KDM4B: variants seen among roughly 807,000 people sequenced by gnomAD.
The protein encoded by KDM4B is lysine-specific demethylase 4B.
In KDM4B, 32 loss-of-function variants were observed where a neutral mutation model predicts 125.2. That is an observed-to-expected ratio of 0.26 (90% CI 0.19 to 0.34). The LOEUF (loss-of-function observed/expected upper bound fraction) is 0.34, where lower values mean the gene tolerates loss of function less well. Ranked by LOEUF, KDM4B falls within the 10% of genes least tolerant of loss-of-function variation. The pLI is 1.00. For synonymous variants in KDM4B, 721 were observed against 677.9 expected, an observed-to-expected ratio of 1.06 and a Z score of -0.99; for missense variants, 1,190 against 1,577.7, an observed-to-expected ratio of 0.75 and a Z score of 4.16.
At chr19:5,116,405 G>T (rs947762212) in intron 10 of KDM4B, among the ~76,000 whole-genome samples, 2 of 152,198 alleles carry the variant, frequency 1.3e-5, no homozygotes, top group African/African-American at 4.8e-5. Context: ...GTCAAGAAAT[G>T]TGTGAGGGGA....
chr19:5,090,200 G>T (rs2038645310), intron 9 of KDM4B, among the ~76,000 whole-genome samples: 4 of 152,098 alleles, frequency 2.6e-5, no homozygotes, highest in Non-Finnish European at 1.5e-5. Context: ...GCCAGGGAGA[G>T]GTGAGAGTGC....
intron 5 of KDM4B, 41 bp from the exon 6 acceptor site, chr19:5,047,435 G>C (rs752941833): frequency 3.2e-6 from 5 of 1,561,486 alleles, no homozygotes; most frequent in Middle Eastern, 1.7e-4. Context: ...AGGTTCTGGG[G>C]GTGGCCGGGC....
chr19:5,135,879 G>A (rs1280044659), intron 15 of KDM4B, among the ~76,000 whole-genome samples: 1 of 152,250 alleles, frequency 6.6e-6, no homozygotes, highest in Non-Finnish European at 1.5e-5. Flanking sequence ...TGCAGGCCCA[G>A]GTGCTGGCCT....
chr19:5,051,301 C>T (rs572201651), intron 6 of KDM4B, among the ~76,000 whole-genome samples: 3 of 152,354 alleles, frequency 2.0e-5, no homozygotes, highest in South Asian at 2.1e-4. Flanking sequence ...CCCTGGCCCA[C>T]GCTGCCTGGG....
At chr19:4,973,265 T>C (rs1403415363) in intron 1 of KDM4B, among the ~76,000 whole-genome samples, 1 of 152,332 alleles carries the variant, frequency 6.6e-6, no homozygotes, top group East Asian at 1.9e-4. Context: ...CTCAGCTCAC[T>C]GCAACCTCCG....
At chr19:5,014,272 G>GTGTTTTGTTT (rs566641543) in intron 1 of KDM4B, among the ~76,000 whole-genome samples, 3 of 152,082 alleles carry the variant, frequency 2.0e-5, no homozygotes, top group Non-Finnish European at 4.4e-5. Context: ...ACCCGGCTAA[G>GTGTTTTGTTT]TGTTTTGTTT....
At chr19:4,983,135 C>CTTTTTTTTTTT (rs76958173) in intron 1 of KDM4B, among the ~76,000 whole-genome samples, 1 of 130,658 alleles carries the variant, frequency 7.7e-6, no homozygotes, top group Non-Finnish European at 1.7e-5. Flanking sequence ...TTTTTCTTTT[C>CTTTTTTTTTTT]TTTTTTTTTT....
chr19:5,009,332 A>G (rs2035660602), intron 1 of KDM4B, among the ~76,000 whole-genome samples: 1 of 152,226 alleles, frequency 6.6e-6, no homozygotes, highest in South Asian at 2.1e-4. Context: ...CCTAGGATGC[A>G]GAGGTTGGTG....
chr19:5,025,771 G>A lies in KDM4B; in HGVS notation c.-25-7095G>A, dbSNP rs901517466. 3.9e-5 allele frequency among the ~76,000 whole-genome samples: 6 copies of A among 152,232 alleles called. No homozygotes were observed. In the South Asian group the frequency reaches 8.3e-4, roughly 21 times the overall value. ...GACCGCCCAGAACTTGCACCCCTGC[G>A]TGTTTGACAATCACTTCCAGACGCA... is the stretch of plus-strand genomic sequence containing the variant. On this transcript the variant is annotated intron_variant, in intron 2 of 22. Coordinates refer to ENST00000159111, the MANE Select transcript of KDM4B (RefSeq NM_015015.3).
chr19:5,100,135 C>T (rs1218908925), intron 9 of KDM4B, among the ~76,000 whole-genome samples: 1 of 152,178 alleles, frequency 6.6e-6, no homozygotes, highest in South Asian at 2.1e-4. Context: ...CTTATTGAAC[C>T]CTTTTTGTGT....
At chr19:5,067,976 A>G (rs1051325503) in intron 6 of KDM4B, among the ~76,000 whole-genome samples, 25 of 152,224 alleles carry the variant, frequency 1.6e-4, no homozygotes, top group Non-Finnish European at 1.5e-5. Flanking sequence ...TCAGTGGCCA[A>G]TAAACCTGAC....
chr19:5,105,323 G>A (rs1049574242), intron 9 of KDM4B, among the ~76,000 whole-genome samples: 3 of 152,252 alleles, frequency 2.0e-5, no homozygotes, highest in African/African-American at 4.8e-5. Flanking sequence ...ACACACCTGC[G>A]ATTGCTCCCA....
At chr19:5,084,092 C>T (rs2038391163) in intron 9 of KDM4B, among the ~76,000 whole-genome samples, 1 of 151,802 alleles carries the variant, frequency 6.6e-6, no homozygotes, top group Non-Finnish European at 1.5e-5. Flanking sequence ...ACTAAAAACA[C>T]AAAAATTATC....
chr19:5,151,465 T>C lies in KDM4B; in HGVS notation c.3245T>C (p.Val1082Ala), dbSNP rs758146297. 1 of 1,519,656 alleles carries C rather than the reference T, an allele frequency of 6.6e-7. No individual in the cohort carries two copies. Among genetic ancestry groups the C allele is most frequent in the Non-Finnish European group, 8.8e-7 (1 of 1,134,290 alleles). The allele number at this position is 1,519,656 out of a possible 1,614,324, so 94.1% of individuals were successfully genotyped here. The change falls in exon 23 of 23, where the codon GTG (valine) becomes GCG (alanine). Residue 1082 changes from valine to alanine, a missense_variant. Val to Ala is a moderately conservative substitution (Grantham distance 64). Coordinates refer to ENST00000159111, the MANE Select transcript of KDM4B (RefSeq NM_015015.3). ...SGRSQDYVAF[V>A]ESLLQVQGRP... ...CGGAGCCAGGACTACGTGGCCTTCG[T>C]GGAGAGCCTCCTGCAGGTGCAGGGC...
At chr19:5,024,404 C>T (rs908266582) in intron 2 of KDM4B, among the ~76,000 whole-genome samples, 1 of 152,178 alleles carries the variant, frequency 6.6e-6, no homozygotes, top group African/African-American at 2.4e-5. Flanking sequence ...GGGAGGGTAT[C>T]CTTGGGCCCA....
intron 11 of KDM4B, among the ~76,000 whole-genome samples, chr19:5,129,048 C>T (rs2060959093): frequency 6.6e-6 from 1 of 152,182 alleles, no homozygotes; most frequent in Non-Finnish European, 1.5e-5. Flanking sequence ...GGGGCCAGGG[C>T]AGTGGCGGGG....
chr19:5,015,543 C>T (rs981768642), intron 1 of KDM4B, among the ~76,000 whole-genome samples: 2 of 152,132 alleles, frequency 1.3e-5, no homozygotes, highest in African/African-American at 2.4e-5. Flanking sequence ...TCAGCCACCT[C>T]GCCCCGCCAT....
chr19:5,024,662 G>T (rs1305116571), intron 2 of KDM4B, among the ~76,000 whole-genome samples: 1 of 151,366 alleles, frequency 6.6e-6, no homozygotes, highest in African/African-American at 2.5e-5. Flanking sequence ...AAAAAAAAAG[G>T]CTTTAAGGCC....
intron 9 of KDM4B, among the ~76,000 whole-genome samples, chr19:5,098,445 G>A (rs2038869731): frequency 6.6e-6 from 1 of 152,134 alleles, no homozygotes; most frequent in African/African-American, 2.4e-5. Flanking sequence ...CCTTGTAGGT[G>A]ACTGGCAGGT....
Sources: gnomAD v4.1 joint callset for allele counts (sites outside exome capture counted in the v4.1 genomes callset) on GRCh38, gnomAD v4.1.1 for gene constraint, MANE v1.5 for transcripts, NCBI Gene and HGNC (gene_info 2026-07-23, HGNC 2026-07-21) for gene names.